ERBB4: variants seen among roughly 807,000 people sequenced by gnomAD.
ERBB4 encodes receptor tyrosine-protein kinase erbB-4.
A neutral mutation model predicts 158.0 loss-of-function variants in ERBB4; 42 were observed. The ratio of observed to expected loss-of-function variants is 0.27; its 90% confidence interval spans 0.21 to 0.34. The LOEUF (loss-of-function observed/expected upper bound fraction) is 0.34, where lower values mean the gene tolerates loss of function less well. Among genes scored for constraint, ERBB4 ranks in the 10% least tolerant of loss-of-function variants. The probability of loss-of-function intolerance (pLI) is 1.00; values close to 1 mark genes in which losing one functional copy is unlikely to be tolerated. For missense variants in ERBB4, 1,333 were observed against 1,624.1 expected, an observed-to-expected ratio of 0.82 and a Z score of 3.08; for synonymous variants, 583 against 558.7, an observed-to-expected ratio of 1.04 and a Z score of -0.61.
At chr2:211,932,737 T>C (rs2080211572) in intron 3 of ERBB4, among the ~76,000 whole-genome samples, 1 of 151,982 alleles carries the variant, frequency 6.6e-6, no homozygotes, top group Non-Finnish European at 1.5e-5. Context: ...GTTTCAAAGA[T>C]GTCTTTGGCA....
chr2:211,770,694 T>A (rs1177771910), intron 4 of ERBB4, among the ~76,000 whole-genome samples: 1 of 152,140 alleles, frequency 6.6e-6, no homozygotes. Context: ...CAGCTCTTCA[T>A]TGGAAGCCAA....
At chr2:211,387,757 A>G (rs2062717033) in intron 26 of ERBB4, among the ~76,000 whole-genome samples, 188 bp downstream of exon 26, 2 of 152,172 alleles carry the variant, frequency 1.3e-5, no homozygotes, top group African/African-American at 4.8e-5. Context: ...TTGATGCATG[A>G]TATCTCAATT....
chr2:212,100,674 T>C (rs1196835830), intron 2 of ERBB4, among the ~76,000 whole-genome samples: 1 of 152,154 alleles, frequency 6.6e-6, no homozygotes, highest in Non-Finnish European at 1.5e-5. Flanking sequence ...AATTTGTGAT[T>C]GCAATATGGT....
chr2:212,076,865 G>C (rs527715522), intron 2 of ERBB4, among the ~76,000 whole-genome samples: 1 of 151,858 alleles, frequency 6.6e-6, no homozygotes, highest in Non-Finnish European at 1.5e-5. Flanking sequence ...GCAAGCCACC[G>C]AAAGGGTACA....
chr2:212,451,619 AAT>A (rs1485239629), intron 1 of ERBB4, among the ~76,000 whole-genome samples: 1 of 152,216 alleles, frequency 6.6e-6, no homozygotes, highest in African/African-American at 2.4e-5. Context: ...GTTTATCTTT[AAT>A]AGTGTTTTTT....
At chr2:211,897,705 G>A (rs974119230) in intron 3 of ERBB4, among the ~76,000 whole-genome samples, 2 of 151,774 alleles carry the variant, frequency 1.3e-5, no homozygotes, top group Non-Finnish European at 2.9e-5. Context: ...TTTTTAAATG[G>A]GGAAGATTCT....
At chr2:212,109,134 C>T (rs1321360015) in intron 2 of ERBB4, among the ~76,000 whole-genome samples, 1 of 152,150 alleles carries the variant, frequency 6.6e-6, no homozygotes, top group Admixed American at 6.5e-5. Context: ...GAACAAACAT[C>T]TTTGGGTGCC....
chr2:211,596,574 C>T (rs1223427321), intron 19 of ERBB4, among the ~76,000 whole-genome samples: 1 of 152,120 alleles, frequency 6.6e-6, no homozygotes, highest in Non-Finnish European at 1.5e-5. Flanking sequence ...CCTCTGCATT[C>T]TCTTCTCTTT....
chr2:211,945,126 G>C (rs1443044307), intron 3 of ERBB4, among the ~76,000 whole-genome samples: 4 of 152,090 alleles, frequency 2.6e-5, no homozygotes, highest in Non-Finnish European at 4.4e-5. Context: ...GCACTTATTT[G>C]TTGCTTTAAT....
chr2:211,472,323 A>C (rs2125528515), intron 20 of ERBB4, among the ~76,000 whole-genome samples: 1 of 148,862 alleles, frequency 6.7e-6, no homozygotes, highest in Non-Finnish European at 1.5e-5. Flanking sequence ...TATATTAAAT[A>C]TAATATTTAA....
At chr2:211,909,234 G>A (rs538977499) in intron 3 of ERBB4, among the ~76,000 whole-genome samples, 6 of 151,626 alleles carry the variant, frequency 4.0e-5, no homozygotes, top group African/African-American at 9.7e-5. Context: ...TCCTGGCAAC[G>A]AGGAAATAAA....
chr2:211,813,222 T>C (rs889314875), intron 3 of ERBB4, among the ~76,000 whole-genome samples: 1 of 152,178 alleles, frequency 6.6e-6, no homozygotes, highest in Non-Finnish European at 1.5e-5. Flanking sequence ...ATGTAATATA[T>C]GTTTTAAAAT....
intron 20 of ERBB4, among the ~76,000 whole-genome samples, chr2:211,559,888 T>C (rs1462679578): frequency 6.6e-6 from 1 of 152,168 alleles, no homozygotes; most frequent in African/African-American, 2.4e-5. Context: ...GTATGACATT[T>C]ACGTAATATG....
chr2:211,389,278 G>A (rs113110221), intron 25 of ERBB4, among the ~76,000 whole-genome samples: 4,688 of 152,128 alleles, frequency 0.031, 102 homozygotes, highest in Non-Finnish European at 0.044. Flanking sequence ...CTGGTGATCC[G>A]CCTGCCTCGG....
At chr2:212,192,040 A>ATATAT (rs1553589149) in intron 1 of ERBB4, among the ~76,000 whole-genome samples, 2,081 of 9,578 alleles carry the variant, frequency 0.22, 58 homozygotes, top group African/African-American at 0.31. Context: ...GTTATATGTT[A>ATATAT]TATATATGTT....
intron 11 of ERBB4, 143 bp downstream of exon 11, chr2:211,703,961 T>A (rs1575016088): frequency 2.9e-6 from 2 of 699,934 alleles, no homozygotes; most frequent in East Asian, 2.6e-5. Context: ...GGTATTTTTA[T>A]TGAGCTTATC....
At chr2:211,448,701 T>G (rs1386191361) in intron 20 of ERBB4, among the ~76,000 whole-genome samples, 2 of 152,158 alleles carry the variant, frequency 1.3e-5, no homozygotes, top group Non-Finnish European at 2.9e-5. Flanking sequence ...CAATTTACAC[T>G]TTTAAGATTA....
chr2:211,393,892 A>C (rs1326488911), intron 25 of ERBB4, among the ~76,000 whole-genome samples: 7 of 151,966 alleles, frequency 4.6e-5, no homozygotes, highest in Admixed American at 2.6e-4. Flanking sequence ...AGGAGGAGAC[A>C]ATTTTAAATA....
intron 1 of ERBB4, among the ~76,000 whole-genome samples, chr2:212,278,074 AT>A (rs1293232661): frequency 2.0e-5 from 3 of 151,742 alleles, no homozygotes; most frequent in African/African-American, 7.2e-5. Context: ...GTTGCCGCTA[AT>A]ATTGTTAAAT....
Sources: allele counts gnomAD v4.1 joint callset (sites outside exome capture counted in the v4.1 genomes callset), GRCh38; gene constraint gnomAD v4.1.1; transcripts MANE v1.5; gene names NCBI Gene and HGNC (gene_info 2026-07-23, HGNC 2026-07-21).